The following RYR2 variants were observed in gnomAD, a reference collection of about 807,000 sequenced individuals.
RYR2 encodes ryanodine receptor 2.
A neutral mutation model predicts 601.1 loss-of-function variants in RYR2; 227 were observed. The observed-to-expected ratio is 0.38, with a 90% CI of 0.34 to 0.42. The LOEUF is 0.42. Ranked by LOEUF, RYR2 falls within the 10% of genes least tolerant of loss-of-function variation. The pLI is 1.00. For synonymous variants in RYR2, 2,223 were observed against 2,175.1 expected (o/e 1.02, Z -0.61); for missense variants, 4,646 against 6,156.5 (o/e 0.75, Z 8.21).
chr1:237,473,151 T>C (rs1334501260), intron 17 of RYR2, among the ~76,000 whole-genome samples: 1 of 151,986 alleles, frequency 6.6e-6, no homozygotes, highest in Non-Finnish European at 1.5e-5. Context: ...TGGGCGGGTG[T>C]GGTGGCTCAC....
chr1:237,807,814 T>C (rs1176650712), intron 99 of RYR2, among the ~76,000 whole-genome samples: 1 of 152,206 alleles, frequency 6.6e-6, no homozygotes, highest in African/African-American at 2.4e-5. Flanking sequence ...TGTAAAGACT[T>C]AATCAGCATA....
At position 237,566,643 on chromosome 1, in the gene RYR2, G is replaced by A; in HGVS notation, c.3291G>A (p.Lys1097=). ...GTGCCGAGAAGACCTATGCAGTGAA[G>A]GCCGGACGGTGGTATTTTGAATTTG... is the stretch of plus-strand genomic sequence containing the variant. ...IFRAEKTYAV[K]AGRWYFEFET... Residue 1097 remains lysine (K), a synonymous_variant, in exon 28 of 105, where the codon AAG becomes AAA. Transcript: ENST00000366574. 6.2e-7 allele frequency: 1 copy of A among 1,614,010 alleles called. No individual in the cohort carries two copies. Among genetic ancestry groups the A allele is most frequent in the Non-Finnish European group, 8.5e-7 (1 of 1,179,888 alleles).
At chr1:237,514,890 T>C (rs1389066986) in intron 24 of RYR2, among the ~76,000 whole-genome samples, 2 of 152,180 alleles carry the variant, frequency 1.3e-5, no homozygotes, top group Non-Finnish European at 2.9e-5. Context: ...ATAGTCTAGG[T>C]TTTTTGTTTG....
At chr1:237,119,447 T>G (rs1670524882) in intron 1 of RYR2, among the ~76,000 whole-genome samples, 1 of 152,204 alleles carries the variant, frequency 6.6e-6, no homozygotes, top group South Asian at 2.1e-4. Context: ...TGTGTGCGTA[T>G]GCTCTCATCT....
chr1:237,615,760 C>A (rs1678398859), intron 37 of RYR2, among the ~76,000 whole-genome samples: 1 of 152,110 alleles, frequency 6.6e-6, no homozygotes, highest in Non-Finnish European at 1.5e-5. Flanking sequence ...ATTAAAAAAT[C>A]TTATTGCTAA....
Position 237,550,569 on chromosome 1 carries a change from G to GC in RYR2, c.3094dup (p.Leu1032ProfsTer9). On this transcript the variant is annotated frameshift_variant, in exon 27 of 105. Coordinates refer to ENST00000366574, the MANE Select transcript of RYR2 (RefSeq NM_001035.3). LOFTEE classifies it high-confidence loss of function. ...GACGTAAAGAACAGAAGAAATCCTC[G>GC]CCTTGTTCCCTACACTCTTCTGGAT... is the stretch of plus-strand genomic sequence containing the variant. 1.2e-6 allele frequency: 2 copies of GC among 1,609,090 alleles called. No individual in the cohort carries two copies. The highest frequency in any genetic ancestry group is 1.7e-6 in the Non-Finnish European group (2 of 1,177,764).
intron 44 of RYR2, among the ~76,000 whole-genome samples, chr1:237,636,332 G>A (rs1010354917): frequency 1.3e-5 from 2 of 152,204 alleles, no homozygotes; most frequent in African/African-American, 2.4e-5. Context: ...GCACTGGGTA[G>A]ACACTTAGTG....
chr1:237,382,617 A>G (rs866297180), intron 8 of RYR2, among the ~76,000 whole-genome samples: 1 of 148,384 alleles, frequency 6.7e-6, no homozygotes, highest in African/African-American at 2.5e-5. Context: ...ATGAGTGAGA[A>G]CATTCGGTGT....
At chr1:237,504,309 G>A (rs1664985099) in intron 22 of RYR2, among the ~76,000 whole-genome samples, 1 of 152,148 alleles carries the variant, frequency 6.6e-6, no homozygotes, top group Admixed American at 6.5e-5. Context: ...TATAGGTTTT[G>A]GGATAGGCAG....
intron 44 of RYR2, among the ~76,000 whole-genome samples, chr1:237,635,857 C>T (rs1404302275): frequency 1.3e-5 from 2 of 152,176 alleles, no homozygotes; most frequent in African/African-American, 2.4e-5. Flanking sequence ...TGGAACACGC[C>T]AACTGTGCTC....
chr1:237,234,890 T>C (rs1241146508), intron 1 of RYR2, among the ~76,000 whole-genome samples: 1 of 152,204 alleles, frequency 6.6e-6, no homozygotes, highest in Non-Finnish European at 1.5e-5. Flanking sequence ...GTGATTTTTT[T>C]TTTTAATGCC....
At chr1:237,544,027 T>A (rs1348161853) in intron 25 of RYR2, among the ~76,000 whole-genome samples, 1 of 152,188 alleles carries the variant, frequency 6.6e-6, no homozygotes, top group Non-Finnish European at 1.5e-5. Flanking sequence ...TTAAAAAAAA[T>A]TTTGCTATCG....
At chr1:237,633,498 G>A in intron 42 of RYR2, 80 bp from the exon 43 acceptor site, 1 of 1,545,508 alleles carries the variant, frequency 6.5e-7, no homozygotes, top group Non-Finnish European at 8.9e-7. Context: ...GATTGACGAT[G>A]TGATTGAGAC....
At chr1:237,283,657 G>A (rs1691139157) in intron 2 of RYR2, among the ~76,000 whole-genome samples, 1 of 152,156 alleles carries the variant, frequency 6.6e-6, no homozygotes, top group African/African-American at 2.4e-5. Context: ...CACAGCCACT[G>A]TCTTCCTGTT....
At chr1:237,164,065 C>T (rs1044530334) in intron 1 of RYR2, among the ~76,000 whole-genome samples, 3 of 152,190 alleles carry the variant, frequency 2.0e-5, no homozygotes, top group Non-Finnish European at 2.9e-5. Context: ...GCAGGTGGAT[C>T]ACCTGAGGTC....
intron 92 of RYR2, among the ~76,000 whole-genome samples, chr1:237,789,060 A>C (rs1573956286): frequency 6.6e-6 from 1 of 151,456 alleles, no homozygotes; most frequent in East Asian, 1.9e-4. Flanking sequence ...AATTTTTATA[A>C]ATTTTTATAA....
At chr1:237,591,628 C>T (rs2148445334) in intron 31 of RYR2, 111 bp from the exon 32 acceptor site, 1 of 822,554 alleles carries the variant, frequency 1.2e-6, no homozygotes, top group East Asian at 2.7e-5. Context: ...AGATGTCCCC[C>T]AGGGAGCAAA....
chr1:237,632,312 C>G (rs906906623), intron 42 of RYR2, among the ~76,000 whole-genome samples: 3 of 151,646 alleles, frequency 2.0e-5, no homozygotes, highest in Non-Finnish European at 4.4e-5. Flanking sequence ...TGGTTGGTTT[C>G]ACTTAATTTC....
rs1232144553 is a variant in RYR2 at position 237,832,887 on chromosome 1, G to C, written c.*240G>C. ...TACTCAGACAAAAAAAGGAATTCTGGAAAGAAAACCATTCTGGACACTGTC... is the reference window on the plus strand; with the variant it reads ...TACTCAGACAAAAAAAGGAATTCTGCAAAGAAAACCATTCTGGACACTGTC... On this transcript the variant is annotated 3_prime_UTR_variant, in exon 105 of 105. Coordinates refer to ENST00000366574, the MANE Select transcript of RYR2 (RefSeq NM_001035.3). 2 of 374,110 alleles carry C rather than the reference G, an allele frequency of 5.3e-6. No homozygotes were observed. Among genetic ancestry groups the C allele is most frequent in the Non-Finnish European group, 9.8e-6 (2 of 204,960 alleles). 23.2% of individuals were successfully genotyped at this position (374,110 alleles called of 1,614,324 possible).
Sources: allele counts gnomAD v4.1 joint callset (sites outside exome capture counted in the v4.1 genomes callset), GRCh38; gene constraint gnomAD v4.1.1; transcripts MANE v1.5; gene names NCBI Gene and HGNC (gene_info 2026-07-23, HGNC 2026-07-21).